Variants in NDE1 observed in about 807,000 individuals in gnomAD.
NDE1 encodes nudE neurodevelopment protein 1, also known as nuclear distribution protein nudE homolog 1.
In NDE1, 28 loss-of-function variants were observed where a neutral mutation model predicts 43.4. That is an observed-to-expected ratio of 0.65 (90% CI 0.48 to 0.89). The LOEUF (loss-of-function observed/expected upper bound fraction) is 0.89, where lower values mean the gene tolerates loss of function less well. Ranked by LOEUF, NDE1 falls within the 40% of genes least tolerant of loss-of-function variation. NDE1 has a pLI of 0.00. For missense variants in NDE1, 441 were observed against 434.1 expected (o/e 1.02, Z -0.14); for synonymous variants, 184 against 172.0 (o/e 1.07, Z -0.55).
upstream of NDE1, among the ~76,000 whole-genome samples, chr16:15,645,476 T>A (rs924661068): frequency 2.0e-5 from 3 of 152,130 alleles, no homozygotes; most frequent in Non-Finnish European, 2.9e-5. Flanking sequence ...ATTAAAAAAA[T>A]TTTTAAAAAC....
chr16:15,666,998 C>G (rs994422291), intron 2 of NDE1, among the ~76,000 whole-genome samples: 1 of 152,146 alleles, frequency 6.6e-6, no homozygotes, highest in Admixed American at 6.6e-5. Flanking sequence ...GTAATCCCAG[C>G]ACTTTGAGAG....
At chr16:15,664,319 G>A (rs1596558958) in intron 1 of NDE1, among the ~76,000 whole-genome samples, 1 of 151,842 alleles carries the variant, frequency 6.6e-6, no homozygotes. Flanking sequence ...TCAGATTTTT[G>A]GCAGTATTTA....
intron 8 of NDE1, among the ~76,000 whole-genome samples, chr16:15,711,551 T>C (rs1323978533): frequency 6.6e-6 from 1 of 152,206 alleles, no homozygotes; most frequent in Non-Finnish European, 1.5e-5. Context: ...TCATGTATGA[T>C]TAAAACTGTT....
intron 6 of NDE1, among the ~76,000 whole-genome samples, chr16:15,692,262 C>T (rs2038792063): frequency 6.6e-6 from 1 of 152,206 alleles, no homozygotes; most frequent in African/African-American, 2.4e-5. Context: ...TAAGCAGAGT[C>T]ATGAAGCAAT....
chr16:15,720,307 G>C, intron 8 of NDE1: 1 of 1,613,834 alleles, frequency 6.2e-7, no homozygotes, highest in Non-Finnish European at 8.5e-7. Flanking sequence ...TCTCATACTC[G>C]TGAAGCTGGG....
rs140789717 is a variant in NDE1 at position 15,704,024 on chromosome 16, G to A, written c.947+7164G>A. On this transcript the variant is annotated intron_variant, in intron 8 of 8. Transcript: ENST00000396354. ...TGGCCTTGGTTCCATTGAAGTCTGC[G>A]TCTCGAGTGTCCGTTTCCTCCTCAG... 121 of 1,614,032 alleles carry A rather than the reference G, an allele frequency of 7.5e-5. No homozygotes were observed. The highest frequency in any genetic ancestry group is 1.2e-4 in the African/African-American group (9 of 74,992).
At chr16:15,668,968 C>T (rs931113810) in intron 3 of NDE1, among the ~76,000 whole-genome samples, 29 of 151,938 alleles carry the variant, frequency 1.9e-4, no homozygotes, top group African/African-American at 6.3e-4. Context: ...AGCGCGATCT[C>T]GGCTCACTGC....
intron 8 of NDE1, among the ~76,000 whole-genome samples, chr16:15,723,166 G>A (rs376193604): frequency 4.6e-5 from 7 of 152,086 alleles, no homozygotes; most frequent in African/African-American, 4.8e-5. Context: ...TCCATTTATC[G>A]TACAATTAAG....
intron 1 of NDE1, among the ~76,000 whole-genome samples, chr16:15,654,972 CT>C (rs1479733313): frequency 6.6e-6 from 1 of 151,972 alleles, no homozygotes; most frequent in Non-Finnish European, 1.5e-5. Flanking sequence ...TGCCTGCTTT[CT>C]GCCACAGAGA....
At chr16:15,698,102 CTTT>C (rs368262507) in intron 8 of NDE1, among the ~76,000 whole-genome samples, 1 of 151,956 alleles carries the variant, frequency 6.6e-6, no homozygotes, top group Admixed American at 6.6e-5. Context: ...GCAACCAGCC[CTTT>C]TTTTTCTTTT....
chr16:15,653,856 T>G (rs1196673682), intron 1 of NDE1, among the ~76,000 whole-genome samples: 1 of 151,770 alleles, frequency 6.6e-6, no homozygotes, highest in Non-Finnish European at 1.5e-5. Flanking sequence ...GCCTCCTGAG[T>G]AGCTGGGACC....
intron 8 of NDE1, chr16:15,719,620 T>C: frequency 6.2e-7 from 1 of 1,614,174 alleles, no homozygotes; most frequent in South Asian, 1.1e-5. Context: ...TCCAAGCTCT[T>C]GGCTTTCTTC....
intron 1 of NDE1, among the ~76,000 whole-genome samples, chr16:15,644,756 A>T (rs533047415): frequency 1.4e-4 from 22 of 152,262 alleles, no homozygotes; most frequent in African/African-American, 5.1e-4. Flanking sequence ...TACTCTTCAG[A>T]GGTGTTTTTT....
At chr16:15,658,201 C>G (rs1045397914) in intron 1 of NDE1, among the ~76,000 whole-genome samples, 1 of 152,200 alleles carries the variant, frequency 6.6e-6, no homozygotes, top group African/African-American at 2.4e-5. Flanking sequence ...AGGCTTACCT[C>G]CAGCTTCAGG....
At chr16:15,683,737 G>A (rs975964015) in intron 4 of NDE1, among the ~76,000 whole-genome samples, 1 of 152,134 alleles carries the variant, frequency 6.6e-6, no homozygotes, top group African/African-American at 2.4e-5. Context: ...AAGTAAATAC[G>A]CTAGGTGAGA....
chr16:15,714,936 T>A lies in NDE1; in HGVS notation c.948-9255T>A, dbSNP rs1290642611. 6.2e-7 allele frequency: 1 copy of A among 1,614,026 alleles called. No individual in the cohort carries two copies. Among genetic ancestry groups the A allele is most frequent in the East Asian group, 2.2e-5 (1 of 44,870 alleles). On this transcript the variant is annotated intron_variant, in intron 8 of 8. Transcript: ENST00000396354. The stretch of plus-strand genomic sequence containing the variant: ...GAGCTTGCTCTTGAGTGCGTTCACC[T>A]CGCGGCCCATGGCCTCGTTGCTCTC...
intron 8 of NDE1, chr16:15,715,405 T>C (rs2040071818): frequency 1.3e-6 from 1 of 788,532 alleles, no homozygotes; most frequent in Non-Finnish European, 2.2e-6. Flanking sequence ...ATCAGTCAGA[T>C]GGTGGAATAG....
intron 8 of NDE1, chr16:15,717,187 C>T: frequency 1.2e-6 from 2 of 1,614,226 alleles, no homozygotes; most frequent in South Asian, 1.1e-5. Context: ...TCTTGGCCTC[C>T]AGCGCCGCGA....
At chr16:15,658,454 T>G (rs1277098231) in intron 1 of NDE1, among the ~76,000 whole-genome samples, 1 of 152,130 alleles carries the variant, frequency 6.6e-6, no homozygotes, top group African/African-American at 2.4e-5. Context: ...GGCCCACCCA[T>G]GAGCTGATCA....
Sources: gnomAD v4.1 joint callset for allele counts (sites outside exome capture counted in the v4.1 genomes callset) on GRCh38, gnomAD v4.1.1 for gene constraint, MANE v1.5 for transcripts, NCBI Gene and HGNC (gene_info 2026-07-23, HGNC 2026-07-21) for gene names.